DTNB: variants seen among roughly 807,000 people sequenced by gnomAD.
DTNB encodes DTN-B.
DTNB carries 63 observed loss-of-function variants against 90.7 expected under a neutral mutation model. The observed-to-expected ratio is 0.69, with a 90% CI of 0.57 to 0.86. The LOEUF (loss-of-function observed/expected upper bound fraction) is 0.86, where lower values mean the gene tolerates loss of function less well. Among genes scored for constraint, DTNB ranks in the 40% least tolerant of loss-of-function variants. DTNB has a pLI of 0.00. For synonymous variants in DTNB, 277 were observed against 286.7 expected (o/e 0.97, Z 0.34); for missense variants, 744 against 807.1 (o/e 0.92, Z 0.95).
At chr2:25,400,734 G>A (rs114018216) in intron 16 of DTNB, among the ~76,000 whole-genome samples, 2,072 of 152,288 alleles carry the variant, frequency 0.014, 30 homozygotes, top group Non-Finnish European at 0.024. Flanking sequence ...AGTACAAGCT[G>A]TAACAAAGGC....
intron 6 of DTNB, among the ~76,000 whole-genome samples, chr2:25,582,351 T>C (rs1378332753): frequency 6.6e-6 from 1 of 152,210 alleles, no homozygotes; most frequent in Non-Finnish European, 1.5e-5. Context: ...CTTATTCCTC[T>C]GCATCTTTCT....
intron 3 of DTNB, among the ~76,000 whole-genome samples, chr2:25,635,341 G>T (rs906550954): frequency 6.6e-6 from 1 of 152,114 alleles, no homozygotes; most frequent in Non-Finnish European, 1.5e-5. Context: ...TGGGGCAGGA[G>T]AATCAAACCT....
intron 8 of DTNB, among the ~76,000 whole-genome samples, chr2:25,552,841 A>ATTTTTTTTTTTTT (rs544243784): frequency 1.7e-4 from 15 of 86,032 alleles, no homozygotes; most frequent in Non-Finnish European, 2.8e-4. Flanking sequence ...TCTCTTTTTG[A>ATTTTTTTTTTTTT]TTTTTTTTTT....
intron 8 of DTNB, among the ~76,000 whole-genome samples, chr2:25,549,996 T>C (rs1017006201): frequency 6.6e-6 from 1 of 152,002 alleles, no homozygotes; most frequent in South Asian, 2.1e-4. Flanking sequence ...GCAAAGTCCT[T>C]AAAGTCTGAG....
intron 20 of DTNB, among the ~76,000 whole-genome samples, chr2:25,379,037 C>T (rs1195002770): frequency 6.6e-6 from 1 of 152,334 alleles, no homozygotes; most frequent in East Asian, 1.9e-4. Context: ...GCCATCCCAA[C>T]ACAGAGGACA....
chr2:25,533,862 T>C (rs539791667), intron 8 of DTNB, among the ~76,000 whole-genome samples: 7 of 152,340 alleles, frequency 4.6e-5, no homozygotes, highest in Non-Finnish European at 1.0e-4. Flanking sequence ...CTTTCCAGGC[T>C]ACCCATTTAC....
chr2:25,379,178 C>T (rs1468186654), intron 20 of DTNB, 112 bp downstream of exon 20: 9 of 1,077,844 alleles, frequency 8.3e-6, no homozygotes, highest in Non-Finnish European at 1.1e-5. Context: ...TGCATCTTCA[C>T]CTGTTAGGAC....
chr2:25,451,917 CAA>C (rs1281585954), intron 11 of DTNB, among the ~76,000 whole-genome samples: 1 of 152,232 alleles, frequency 6.6e-6, no homozygotes, highest in East Asian at 1.9e-4. Flanking sequence ...AGGGCACCCA[CAA>C]AGTCTGAGGC....
chr2:25,524,128 G>A (rs941295816), intron 9 of DTNB, among the ~76,000 whole-genome samples: 2 of 151,650 alleles, frequency 1.3e-5, no homozygotes, highest in Non-Finnish European at 2.9e-5. Context: ...CTTGAGCTCC[G>A]GACCTCAGGT....
intron 9 of DTNB, among the ~76,000 whole-genome samples, chr2:25,509,966 G>A (rs529961853): frequency 6.6e-6 from 1 of 151,858 alleles, no homozygotes. Flanking sequence ...GGCCAGCCTG[G>A]TCTCGAACGC....
At chr2:25,547,375 A>T (rs1049812427) in intron 8 of DTNB, among the ~76,000 whole-genome samples, 7 of 134,494 alleles carry the variant, frequency 5.2e-5, no homozygotes, top group African/African-American at 1.5e-4. Flanking sequence ...CCCAGGCTGG[A>T]GTGCAATGGC....
chr2:25,479,857 A>G (rs1574962984), intron 10 of DTNB, among the ~76,000 whole-genome samples: 1 of 152,194 alleles, frequency 6.6e-6, no homozygotes, highest in African/African-American at 2.4e-5. Context: ...GATGAGTTCT[A>G]AAAGAAACCT....
chr2:25,673,194 C>G (rs1213414586), intron 1 of DTNB, among the ~76,000 whole-genome samples, 192 bp downstream of exon 1: 1 of 151,606 alleles, frequency 6.6e-6, no homozygotes, highest in African/African-American at 2.4e-5. Context: ...GCCGCGCCGT[C>G]CCACCTCGCA....
Position 25,455,476 on chromosome 2 carries a change from A to G in DTNB, c.1098T>C (p.Asp366=), listed in dbSNP as rs2059877890. The stretch of plus-strand genomic sequence containing the variant: ...GCTCATCGGCCAAGTGACTGGGTAT[A>G]TCCTGGCTATACTGTAACCTAGGAA... ...TPTKRLQYSQ[D]IPSHLADEHA... The change falls in exon 11 of 21, where the codon GAT becomes GAC. Residue 366 remains aspartate, a synonymous_variant. Coordinates refer to ENST00000406818, the MANE Select transcript of DTNB (RefSeq NM_021907.5). The G allele has an allele frequency of 6.2e-7, 1 of 1,606,390 alleles. No homozygotes were observed. The highest frequency in any genetic ancestry group is 8.5e-7 in the Non-Finnish European group (1 of 1,176,646).
chr2:25,590,196 TAC>T (rs1333143460), intron 6 of DTNB, among the ~76,000 whole-genome samples: 1 of 152,192 alleles, frequency 6.6e-6, no homozygotes, highest in Non-Finnish European at 1.5e-5. Flanking sequence ...CCCAGAGGGG[TAC>T]AGCTCTTTTC....
At chr2:25,543,317 T>TG (rs1336401030) in intron 8 of DTNB, among the ~76,000 whole-genome samples, 1 of 151,932 alleles carries the variant, frequency 6.6e-6, no homozygotes, top group East Asian at 1.9e-4. Flanking sequence ...TTTTTTGTTT[T>TG]TTTTTTGAGA....
chr2:25,549,111 CAT>C (rs2083058716), intron 8 of DTNB, among the ~76,000 whole-genome samples: 1 of 151,916 alleles, frequency 6.6e-6, no homozygotes, highest in African/African-American at 2.4e-5. Context: ...TATCCTCTAA[CAT>C]AGCACCTAAG....
At chr2:25,536,237 G>C (rs1478555445) in intron 8 of DTNB, among the ~76,000 whole-genome samples, 8 of 152,064 alleles carry the variant, frequency 5.3e-5, no homozygotes, top group African/African-American at 1.9e-4. Context: ...GCCGGGCAGA[G>C]GGGCTCCTCA....
intron 9 of DTNB, among the ~76,000 whole-genome samples, chr2:25,530,765 C>T (rs576207438): frequency 6.6e-6 from 1 of 152,314 alleles, no homozygotes; most frequent in South Asian, 2.1e-4. Flanking sequence ...AACAGAAAAA[C>T]TTCTGACACC....
Sources: allele counts gnomAD v4.1 joint callset (sites outside exome capture counted in the v4.1 genomes callset), GRCh38; gene constraint gnomAD v4.1.1; transcripts MANE v1.5; gene names NCBI Gene and HGNC (gene_info 2026-07-23, HGNC 2026-07-21).